RYR3: variants seen among roughly 807,000 people sequenced by gnomAD.
RYR3 encodes brain ryanodine receptor-calcium release channel.
A neutral mutation model predicts 584.3 loss-of-function variants in RYR3; 207 were observed. The observed-to-expected ratio is 0.35, with a 90% CI of 0.32 to 0.40. The LOEUF is 0.40. Among genes scored for constraint, RYR3 ranks in the 10% least tolerant of loss-of-function variants. RYR3 has a pLI of 1.00. For missense variants in RYR3, 5,616 were observed against 6,089.2 expected, an observed-to-expected ratio of 0.92 and a Z score of 2.59; for synonymous variants, 2,416 against 2,248.5, an observed-to-expected ratio of 1.07 and a Z score of -2.11.
chr15:33,445,732 C>A (rs1169722728), intron 1 of RYR3, among the ~76,000 whole-genome samples: 1 of 144,214 alleles, frequency 6.9e-6, no homozygotes. Flanking sequence ...ATTTGAGATT[C>A]CTGGAAGCAA....
At chr15:33,694,108 CA>C (rs958609198) in intron 38 of RYR3, among the ~76,000 whole-genome samples, 2 of 151,964 alleles carry the variant, frequency 1.3e-5, no homozygotes, top group African/African-American at 4.8e-5. Context: ...AGGCTTTGGC[CA>C]GCGAACAAAT....
At chr15:33,773,249 C>T (rs559912722) in intron 63 of RYR3, among the ~76,000 whole-genome samples, 15 of 152,198 alleles carry the variant, frequency 9.9e-5, no homozygotes, top group African/African-American at 3.6e-4. Flanking sequence ...TATGGAAGGA[C>T]CCATTGGTCA....
At chr15:33,328,736 C>T (rs372108736) in intron 1 of RYR3, among the ~76,000 whole-genome samples, 59 of 152,222 alleles carry the variant, frequency 3.9e-4, no homozygotes, top group African/African-American at 1.4e-3. Flanking sequence ...CATTTTGTAA[C>T]CTTTTAATAA....
intron 1 of RYR3, among the ~76,000 whole-genome samples, chr15:33,376,843 A>G (rs2040785809): frequency 6.6e-6 from 1 of 152,186 alleles, no homozygotes; most frequent in Non-Finnish European, 1.5e-5. Context: ...TTGCATACAG[A>G]TATCTAATTG....
In RYR3 at chr15:33,461,645, A is replaced by G. The variant is rs184703402; in HGVS notation, c.52-11774A>G. Among the ~76,000 whole-genome samples, 104 of 152,348 alleles carry G rather than the reference A, an allele frequency of 6.8e-4. 2 individuals carry two copies. Among genetic ancestry groups the G allele is most frequent in the Non-Finnish European group, 1.4e-3 (95 of 68,034 alleles). On this transcript the variant is annotated intron_variant, in intron 1 of 103. Coordinates refer to ENST00000634891, the MANE Select transcript of RYR3 (RefSeq NM_001036.6). ...GTGAGAGGGGAATTAAATAAGAAAT[A>G]TAAGAGTTGCAACATAAAGGGATAA... is the stretch of plus-strand genomic sequence containing the variant.
intron 1 of RYR3, among the ~76,000 whole-genome samples, chr15:33,437,943 G>A (rs1032659473): frequency 6.6e-6 from 1 of 152,036 alleles, no homozygotes; most frequent in African/African-American, 2.4e-5. Flanking sequence ...GGCTGGCCTT[G>A]AACTCCTGGC....
At chr15:33,564,468 A>G (rs535753840) in intron 11 of RYR3, among the ~76,000 whole-genome samples, 21 of 152,172 alleles carry the variant, frequency 1.4e-4, no homozygotes, top group Admixed American at 3.9e-4. Flanking sequence ...CACCCTGGGA[A>G]TGAGGGCTGC....
In RYR3 at chr15:33,838,169, A is replaced by C; in HGVS notation, c.12189A>C (p.Glu4063Asp). The change falls in exon 89 of 104, where the codon GAA becomes GAC. Residue 4063 changes from glutamate (E) to aspartate (D), a missense_variant. By Grantham distance (45) the Glu-to-Asp change is conservative. This residue lies in a region of RYR3 where 258 missense variants were observed against 297.3 expected (regional missense o/e 0.87). Transcript: ENST00000634891. ...AGTGGGAGAAGCCCCAGGTGAAGGA[A>C]TCTAAGCGACAGTTCATTTTTGATG... is the stretch of plus-strand genomic sequence containing the variant. ...RTQWEKPQVK[E>D]SKRQFIFDVV... 6.2e-7 allele frequency: 1 copy of C among 1,614,000 alleles called. No individual in the cohort carries two copies.
intron 1 of RYR3, among the ~76,000 whole-genome samples, chr15:33,419,930 A>G (rs951707127): frequency 6.6e-6 from 1 of 152,188 alleles, no homozygotes; most frequent in Non-Finnish European, 1.5e-5. Flanking sequence ...GCTTCAGCTC[A>G]GAATATATGC....
intron 1 of RYR3, among the ~76,000 whole-genome samples, chr15:33,376,863 C>T (rs546271023): frequency 9.9e-5 from 15 of 152,258 alleles, no homozygotes; most frequent in Middle Eastern, 3.4e-3. Flanking sequence ...GTTCTAGCAC[C>T]ACTTGTTGAA....
Position 33,626,827 on chromosome 15 carries a change from G to A in RYR3, c.2575-1644G>A, listed in dbSNP as rs535994135. 5.9e-5 allele frequency among the ~76,000 whole-genome samples: 9 copies of A among 152,304 alleles called. No homozygotes were observed. The South Asian group carries it at 1.4e-3, about 25-fold the overall frequency. On this transcript the variant is annotated intron_variant, in intron 20 of 103. Transcript: ENST00000634891. ...GTGTTGAGCCTGTGAGTGCACAGAA[G>A]TCAAGAATTGAGGTTTGGGAACCTC...
rs372051293 is a variant in RYR3 at position 33,511,908 on chromosome 15, A to C, written c.279+8170A>C. ...ATTCTCCTGCCTCAGCCTCCCGAGT[A>C]GCTGGGACTACAGGCGCCCGCCACC... On this transcript the variant is annotated intron_variant, in intron 3 of 103. Transcript: ENST00000634891. Among the ~76,000 whole-genome samples, 11 of 152,120 alleles carry C rather than the reference A, an allele frequency of 7.2e-5. No individual in the cohort carries two copies. In the South Asian group the frequency reaches 1.0e-3, roughly 14 times the overall value.
At chr15:33,774,430 C>T (rs2073851157) in intron 64 of RYR3, among the ~76,000 whole-genome samples, 1 of 152,164 alleles carries the variant, frequency 6.6e-6, no homozygotes. Context: ...CTATGTGCTG[C>T]CTCTATGTAT....
chr15:33,536,903 C>A (rs1772264191), intron 5 of RYR3, among the ~76,000 whole-genome samples: 1 of 152,058 alleles, frequency 6.6e-6, no homozygotes, highest in African/African-American at 2.4e-5. Context: ...TTTTAAAATT[C>A]TTTCTAGATT....
Position 33,601,401 on chromosome 15 carries a change from G to T in RYR3, c.1789-18G>T. 6.2e-7 allele frequency: 1 copy of T among 1,610,332 alleles called. No individual in the cohort carries two copies. On this transcript the variant is annotated intron_variant, in intron 16 of 103. Transcript: ENST00000634891. ...CCTCCTGGTGGTCCTAAGGTTTGGT[G>T]GGTGTGTCCTGCTGCAGGTTCTGGA... is the stretch of plus-strand genomic sequence containing the variant.
At chr15:33,574,188 C>A (rs1355486108) in intron 12 of RYR3, among the ~76,000 whole-genome samples, 1 of 152,244 alleles carries the variant, frequency 6.6e-6, no homozygotes, top group South Asian at 2.1e-4. Flanking sequence ...GCTGCCTCAG[C>A]GAGCTACAAA....
chr15:33,848,236 C>G, intron 93 of RYR3, 55 bp from the exon 94 acceptor site: 2 of 1,604,506 alleles, frequency 1.2e-6, no homozygotes, highest in East Asian at 2.2e-5. Context: ...TACCTGGGAG[C>G]AGGAGCTTTA....
intron 87 of RYR3, among the ~76,000 whole-genome samples, chr15:33,836,603 T>G (rs958275763): frequency 6.6e-6 from 1 of 152,250 alleles, no homozygotes; most frequent in Admixed American, 6.5e-5. Flanking sequence ...TAGAGATACC[T>G]GAAGGCTCTT....
At chr15:33,709,675 C>T (rs2066957058) in intron 43 of RYR3, among the ~76,000 whole-genome samples, 1 of 152,214 alleles carries the variant, frequency 6.6e-6, no homozygotes. Context: ...AGTGAGAAGG[C>T]CCTTAACAGA....
Sources: gnomAD v4.1 joint callset for allele counts (sites outside exome capture counted in the v4.1 genomes callset) on GRCh38, gnomAD v4.1.1 for gene constraint, gnomAD v4.1.1 regional missense constraint, MANE v1.5 for transcripts, NCBI Gene and HGNC (gene_info 2026-07-23, HGNC 2026-07-21) for gene names.